The following FRS3 variants were observed in gnomAD, a reference collection of about 807,000 sequenced individuals.
FRS3 encodes fibroblast growth factor receptor substrate 3.
FRS3 carries 17 observed loss-of-function variants against 41.9 expected under a neutral mutation model. The observed-to-expected ratio is 0.41, with a 90% confidence interval of 0.28 to 0.61. The LOEUF (loss-of-function observed/expected upper bound fraction) is 0.61, where lower values mean the gene tolerates loss of function less well. Ranked by LOEUF, FRS3 falls within the 20% of genes least tolerant of loss-of-function variation. FRS3 has a pLI of 0.36. For missense variants in FRS3, 619 were observed against 672.1 expected, an observed-to-expected ratio of 0.92 and a Z score of 0.87; for synonymous variants, 287 against 274.5, an observed-to-expected ratio of 1.05 and a Z score of -0.45.
rs749304627 is a variant in FRS3, at chr6:41,771,331, C to T, written c.767G>A (p.Cys256Tyr). The T allele has an allele frequency of 9.9e-6, 16 of 1,613,450 alleles. No homozygotes were observed. The highest frequency in any genetic ancestry group is 1.4e-5 in the Non-Finnish European group (16 of 1,179,800). The change falls in exon 7 of 7, where the codon TGC becomes TAC. Residue 256 changes from cysteine (C) to tyrosine (Y), a missense_variant. By Grantham distance (194) the Cys-to-Tyr change is radical (BLOSUM62 -2). This residue lies in a region of FRS3 where 487 missense variants were observed against 478.3 expected (regional missense o/e 1.02). Transcript: ENST00000373018. ...PTPARRHMVK[C>Y]QGLCPSLHDP... is the part of the protein sequence containing the mutation. ...ATGCAGGCTGGGACAGAGGCCCTGG[C>T]ACTTCACCATGTGCCGCCGAGCAGG...
intron 3 of FRS3, 120 bp downstream of exon 3, chr6:41,776,802 G>C: frequency 1.2e-6 from 1 of 853,634 alleles, no homozygotes; most frequent in Non-Finnish European, 2.0e-6. Flanking sequence ...GTCTCCATAA[G>C]CCCACAACCT....
At chr6:41,773,356 G>A (rs568805738) in intron 4 of FRS3, among the ~76,000 whole-genome samples, 2 of 151,762 alleles carry the variant, frequency 1.3e-5, no homozygotes, top group South Asian at 2.1e-4. Context: ...GGCCTGCTGC[G>A]GCCTCCCAAA....
chr6:41,777,868 G>A (rs1772442856), intron 2 of FRS3, 165 bp downstream of exon 2: 1 of 152,408 alleles, frequency 6.6e-6, no homozygotes, highest in African/African-American at 2.4e-5. Context: ...CCAAGCAGAA[G>A]TTTTAAGGGG....
In FRS3 at chr6:41,771,206, C is replaced by G; in HGVS notation, c.892G>C (p.Ala298Pro). The change falls in exon 7 of 7, where the codon GCT becomes CCT. Residue 298 changes from alanine (A) to proline (P), a missense_variant. Ala to Pro is a conservative substitution (Grantham distance 27). Transcript: ENST00000373018. ...TCCTCTGGGCTCAGTCTCCAGCCAG[C>G]CCCTCGCCACAGCCCCCCGGTGACG... ...ENVTGGLWRG[A>P]GWRLSPEEPG... 2 of 1,563,620 alleles carry G rather than the reference C, an allele frequency of 1.3e-6. No individual in the cohort carries two copies. The highest frequency in any genetic ancestry group is 1.2e-5 in the South Asian group (1 of 82,878).
In FRS3 at chr6:41,771,452, G is replaced by C; in HGVS notation, c.646C>G (p.Gln216Glu). 1 of 1,608,694 alleles carries C rather than the reference G, an allele frequency of 6.2e-7. No homozygotes were observed. The highest frequency in any genetic ancestry group is 1.1e-5 in the South Asian group (1 of 90,556). ...CGGGCCTGCGGGAGGAAGGGTGCCT[G>C]ACCCTCAGGCAGGGGCTGCAGGCAG... ...RHCLQPLPEG[Q>E]APFLPQARGP... The change falls in exon 7 of 7, where the codon CAG becomes GAG. Residue 216 changes from glutamine (Q) to glutamate (E), a missense_variant. Gln to Glu is a conservative substitution (Grantham distance 29, BLOSUM62 2). This residue lies in a region of FRS3 where 487 missense variants were observed against 478.3 expected (regional missense o/e 1.02). Coordinates refer to ENST00000373018, the MANE Select transcript of FRS3 (RefSeq NM_006653.5).
chr6:41,772,807 G>A lies in FRS3; in HGVS notation c.406C>T (p.Pro136Ser), dbSNP rs1048851637. 1 of 1,602,710 alleles carries A rather than the reference G, an allele frequency of 6.2e-7. No homozygotes were observed. Among genetic ancestry groups the A allele is most frequent in the Admixed American group, 1.7e-5 (1 of 59,348 alleles). The change falls in exon 5 of 7, where the codon CCA (proline) becomes TCA (serine). Residue 136 changes from proline (P) to serine (S), a missense_variant. Around this residue, in one of 3 missense-constraint regions of FRS3, gnomAD observed 487 missense variants for 478.3 expected, o/e 1.02. Transcript: ENST00000373018. Reference protein sequence around the residue: ...AELDLPRAPQPPNALGYTVSS... With the variant: ...AELDLPRAPQSPNALGYTVSS... ...ACTGGGGTCTCCTCACCATTGGGTGGCTGGGGGGCTCGAGGGAGGTCAAGC... is the reference window on the plus strand; with the variant it reads ...ACTGGGGTCTCCTCACCATTGGGTGACTGGGGGGCTCGAGGGAGGTCAAGC...
intron 4 of FRS3, among the ~76,000 whole-genome samples, chr6:41,774,239 G>A (rs1213170208): frequency 6.6e-6 from 1 of 152,032 alleles, no homozygotes; most frequent in African/African-American, 2.4e-5. Context: ...GTGAGCCACT[G>A]AGCCCAGCCA....
intron 2 of FRS3, 28 bp from the exon 3 acceptor site, chr6:41,777,038 T>C: frequency 6.5e-7 from 1 of 1,531,132 alleles, no homozygotes; most frequent in Non-Finnish European, 9.1e-7. Context: ...GATATGCAGG[T>C]CACCAACTTC....
rs1481554357 is a variant in FRS3, at chr6:41,772,850, G to A, written c.363C>T (p.Arg121=). The A allele has an allele frequency of 1.2e-6, 2 of 1,613,724 alleles. No homozygotes were observed. The highest frequency in any genetic ancestry group is 1.7e-4 in the Middle Eastern group (1 of 6,028). Residue 121 remains arginine (R), a synonymous_variant, in exon 5 of 7, where the codon CGC becomes CGT. Transcript: ENST00000373018. ...NVMEEPVIIT[R]NSHPAELDLP... ...GGTCAAGCTCAGCGGGGTGGCTATT[G>A]CGGGTGATGATGACAGGCTCTTCCA... is the stretch of plus-strand genomic sequence containing the variant.
chr6:41,775,524 G>A lies in FRS3; in HGVS notation c.148C>T (p.His50Tyr), dbSNP rs763137177. 5.6e-6 allele frequency: 9 copies of A among 1,613,874 alleles called. No individual in the cohort carries two copies. Among genetic ancestry groups the A allele is most frequent in the Non-Finnish European group, 8.5e-7 (1 of 1,179,914 alleles). ...LTQSELVLHL[H>Y]RREAVRWPYL... ...GGCCAGCGGACGGCCTCACGCCGAT[G>A]CAGGTGCAGCACCAGCTCACTCTGC... The change falls in exon 4 of 7, where the codon CAT (histidine) becomes TAT (tyrosine). Residue 50 changes from histidine (H) to tyrosine (Y), a missense_variant. His to Tyr is a moderately conservative substitution (Grantham distance 83). Transcript: ENST00000373018.
At chr6:41,775,047 T>G (rs1377683448) in intron 4 of FRS3, among the ~76,000 whole-genome samples, 1 of 152,170 alleles carries the variant, frequency 6.6e-6, no homozygotes, top group Non-Finnish European at 1.5e-5. Context: ...CCAGCAAACA[T>G]GACCTCGGAG....
At position 41,771,975 on chromosome 6, in the gene FRS3, G is replaced by A. The variant is rs377498600; in HGVS notation, c.416-11C>T. On this transcript the variant is annotated splice_polypyrimidine_tract_variant and intron_variant, in intron 5 of 6. Coordinates refer to ENST00000373018, the MANE Select transcript of FRS3 (RefSeq NM_006653.5). ...CAGTGTAGCCTAGAGCTGAGCACAC[G>A]GGAGACAAGCCCAGGAGAGGGGAAC... The A allele has an allele frequency of 7.8e-6, 12 of 1,532,206 alleles. No homozygotes were observed. The African/African-American group carries it at 8.2e-5, about 11-fold the overall frequency. The allele number at this position is 1,532,206 out of a possible 1,614,324, so 94.9% of individuals were successfully genotyped here.
intron 4 of FRS3, among the ~76,000 whole-genome samples, chr6:41,773,663 G>A (rs902103593): frequency 6.6e-6 from 1 of 151,490 alleles, no homozygotes; most frequent in Non-Finnish European, 1.5e-5. Flanking sequence ...CTGAAGTCAG[G>A]AGTTCAAGAC....
At chr6:41,775,358 T>G in intron 4 of FRS3, 61 bp downstream of exon 4, 1 of 1,377,998 alleles carries the variant, frequency 7.3e-7, no homozygotes, top group East Asian at 2.4e-5. Flanking sequence ...ACCTATACAT[T>G]AGGAACCCTG....
intron 4 of FRS3, among the ~76,000 whole-genome samples, chr6:41,774,305 C>G (rs1031939225): frequency 6.6e-6 from 1 of 152,206 alleles, no homozygotes; most frequent in South Asian, 2.1e-4. Context: ...CCTAACACCC[C>G]CTGCTTCCTA....
Position 41,779,845 on chromosome 6 carries a change from C to T in FRS3, c.-197G>A, listed in dbSNP as rs1262367067. On this transcript the variant is annotated 5_prime_UTR_variant, in exon 1 of 7. Coordinates refer to ENST00000373018, the MANE Select transcript of FRS3 (RefSeq NM_006653.5). Reference sequence around the variant, plus strand: ...CCCCGCGGCCCGGGCGGCGCCGGGCCCCGCTCCCGGGTCCCGCTGCAGCAG... The same window carrying T: ...CCCCGCGGCCCGGGCGGCGCCGGGCTCCGCTCCCGGGTCCCGCTGCAGCAG... 1.4e-5 allele frequency: 2 copies of T among 146,032 alleles called. No individual in the cohort carries two copies. Among genetic ancestry groups the T allele is most frequent in the East Asian group, 4.1e-4 (2 of 4,868 alleles). 9.0% of individuals were successfully genotyped at this position (146,032 alleles called of 1,614,324 possible).
chr6:41,772,329 G>A (rs962201491), intron 5 of FRS3, among the ~76,000 whole-genome samples: 1 of 152,150 alleles, frequency 6.6e-6, no homozygotes, highest in Non-Finnish European at 1.5e-5. Flanking sequence ...TATTTCTCCT[G>A]TCCCCCATGG....
At chr6:41,775,268 C>A in intron 4 of FRS3, 151 bp downstream of exon 4, 1 of 614,628 alleles carries the variant, frequency 1.6e-6, no homozygotes, top group Middle Eastern at 4.3e-4. Flanking sequence ...CCTACCACCC[C>A]TGACCTCTGA....
At chr6:41,776,164 G>T (rs1467088933) in intron 3 of FRS3, among the ~76,000 whole-genome samples, 1 of 152,214 alleles carries the variant, frequency 6.6e-6, no homozygotes, top group Non-Finnish European at 1.5e-5. Context: ...AGGTGGGCAG[G>T]GGAGAGCACA....
Sources: allele counts gnomAD v4.1 joint callset (sites outside exome capture counted in the v4.1 genomes callset), GRCh38; gene constraint gnomAD v4.1.1; regional missense constraint gnomAD v4.1.1; transcripts MANE v1.5; gene names NCBI Gene and HGNC (gene_info 2026-07-23, HGNC 2026-07-21).